NDC1: variants seen among roughly 807,000 people sequenced by gnomAD.
The protein encoded by NDC1 is nucleoporin NDC1.
In NDC1, 24 loss-of-function variants were observed where a neutral mutation model predicts 89.8. The ratio of observed to expected loss-of-function variants is 0.27; its 90% CI spans 0.19 to 0.38. NDC1 has a LOEUF of 0.38. Ranked by LOEUF, NDC1 falls within the 10% of genes least tolerant of loss-of-function variation. The pLI is 1.00. For missense variants in NDC1, 728 were observed against 797.6 expected (o/e 0.91, Z 1.05); for synonymous variants, 296 against 284.8 (o/e 1.04, Z -0.39).
At chr1:53,820,167 A>C (rs1462027183) in intron 5 of NDC1, among the ~76,000 whole-genome samples, 2 of 152,030 alleles carry the variant, frequency 1.3e-5, no homozygotes, top group Admixed American at 6.6e-5. Context: ...ACGCAGGAGA[A>C]TCACTTGAAC....
chr1:53,833,434 C>T (rs2100697473), intron 2 of NDC1, among the ~76,000 whole-genome samples: 1 of 152,224 alleles, frequency 6.6e-6, no homozygotes, highest in East Asian at 1.9e-4. Flanking sequence ...TCACACCCAG[C>T]CACGCATATG....
rs1323318209 is a variant in NDC1, at chr1:53,838,239, G to T, written c.23C>A (p.Pro8His). The change falls in exon 1 of 18, where the codon CCC becomes CAC. Residue 8 changes from proline to histidine, a missense_variant. Transcript: ENST00000371429. Reference sequence around the variant, plus strand: ...TATGTCCCGCGACCTGCCGGCGCAGGGCCGGCTCACGGCCGTGGCCATGGA... The same window carrying T: ...TATGTCCCGCGACCTGCCGGCGCAGTGCCGGCTCACGGCCGTGGCCATGGA... MATAVSR[P>H]CAGRSRDILW... 18 of 1,536,846 alleles carry T rather than the reference G, an allele frequency of 1.2e-5. No homozygotes were observed. Among genetic ancestry groups the T allele is most frequent in the Non-Finnish European group, 1.4e-5 (16 of 1,145,920 alleles).
chr1:53,819,063 C>T lies in NDC1; in HGVS notation c.611G>A (p.Arg204His), dbSNP rs202236360. The change falls in exon 6 of 18, where the codon CGT (arginine) becomes CAT (histidine). Residue 204 changes from arginine to histidine, a missense_variant. Coordinates refer to ENST00000371429, the MANE Select transcript of NDC1 (RefSeq NM_018087.5). Reference protein sequence around the residue: ...FPIIQQYKFLRFRRSLLLLVK... With the variant: ...FPIIQQYKFLHFRRSLLLLVK... Reference sequence around the variant, plus strand: ...TAATAAGAGCAGAGATCTCCTAAAACGCAAGAACTTGTATTGCTGTGGGGA... The same window carrying T: ...TAATAAGAGCAGAGATCTCCTAAAATGCAAGAACTTGTATTGCTGTGGGGA... The T allele has an allele frequency of 4.4e-5, 68 of 1,557,212 alleles. No homozygotes were observed. In the South Asian group the frequency reaches 4.4e-4, roughly 10 times the overall value.
At chr1:53,810,724 G>A (rs1178890367) in intron 6 of NDC1, among the ~76,000 whole-genome samples, 2 of 152,184 alleles carry the variant, frequency 1.3e-5, no homozygotes, top group Non-Finnish European at 2.9e-5. Context: ...GGGCAACATA[G>A]CAAGACCCCA....
chr1:53,820,834 C>T (rs1358480109), intron 5 of NDC1, among the ~76,000 whole-genome samples: 1 of 151,058 alleles, frequency 6.6e-6, no homozygotes, highest in East Asian at 2.0e-4. Context: ...CCTCAGCCTC[C>T]TGAGTAGCTA....
At chr1:53,778,638 T>A (rs1019846639) in intron 16 of NDC1, among the ~76,000 whole-genome samples, 2 of 151,608 alleles carry the variant, frequency 1.3e-5, no homozygotes, top group African/African-American at 4.8e-5. Context: ...AAACACTAAG[T>A]AAATAAAAGC....
At chr1:53,825,394 G>A (rs1648815849) in intron 5 of NDC1, among the ~76,000 whole-genome samples, 1 of 149,208 alleles carries the variant, frequency 6.7e-6, no homozygotes, top group Non-Finnish European at 1.5e-5. Context: ...GGCGGAGGTT[G>A]CAGTGAGCCG....
intron 6 of NDC1, among the ~76,000 whole-genome samples, chr1:53,816,966 GC>G (rs968503088): frequency 2.0e-5 from 3 of 152,066 alleles, no homozygotes; most frequent in Non-Finnish European, 2.9e-5. Context: ...TCCAAGAATG[GC>G]CATAATCAAA....
chr1:53,789,861 T>C (rs1390239502), intron 14 of NDC1, among the ~76,000 whole-genome samples: 3 of 151,924 alleles, frequency 2.0e-5, no homozygotes. Flanking sequence ...CCTAGCACTT[T>C]GGGAGGCCGA....
intron 2 of NDC1, among the ~76,000 whole-genome samples, chr1:53,834,791 T>G (rs1021963129): frequency 6.6e-6 from 1 of 152,164 alleles, no homozygotes; most frequent in Admixed American, 6.6e-5. Flanking sequence ...TTTAGTAATT[T>G]TACTTAGTCT....
At chr1:53,835,691 T>G (rs2100700305) in intron 1 of NDC1, 71 bp from the exon 2 acceptor site, 2 of 1,366,166 alleles carry the variant, frequency 1.5e-6, no homozygotes, top group Non-Finnish European at 2.0e-6. Flanking sequence ...ATCCTATCTT[T>G]TCATACAGGA....
At chr1:53,798,586 A>C (rs1647805643) in intron 11 of NDC1, among the ~76,000 whole-genome samples, 1 of 142,474 alleles carries the variant, frequency 7.0e-6, no homozygotes, top group African/African-American at 2.6e-5. Flanking sequence ...AAGGAGTCTC[A>C]CTCTGTCACC....
intron 10 of NDC1, among the ~76,000 whole-genome samples, chr1:53,803,200 C>G (rs1181148): frequency 0.25 from 38,576 of 151,830 alleles, 5,907 homozygotes; most frequent in African/African-American, 0.43. Context: ...CAAGTAGCTG[C>G]GACTACAGGC....
At chr1:53,838,139 C>T in intron 1 of NDC1, 66 bp downstream of exon 1, 2 of 1,461,374 alleles carry the variant, frequency 1.4e-6, no homozygotes, top group Non-Finnish European at 1.8e-6. Context: ...AGCGCGCACG[C>T]GCGATCAGAG....
In NDC1 at chr1:53,808,038, T is replaced by C. The variant is rs140239368; in HGVS notation, c.756-247A>G. Among the ~76,000 whole-genome samples, 57 of 152,332 alleles carry C rather than the reference T, an allele frequency of 3.7e-4. No homozygotes were observed. The highest frequency in any genetic ancestry group is 1.2e-3 in the Admixed American group (19 of 15,290). On this transcript the variant is annotated intron_variant, in intron 7 of 17. Transcript: ENST00000371429. ...CTGTGTTCAAAATCTTCACTGACTT[T>C]TACTACGAAGGAGGAATGAGCTAAG...
At chr1:53,820,701 CTTTTTTTTTTTTTT>C (rs927514677) in intron 5 of NDC1, among the ~76,000 whole-genome samples, 5 of 74,896 alleles carry the variant, frequency 6.7e-5, no homozygotes, top group East Asian at 3.9e-4. Flanking sequence ...ACTTCTCTCT[CTTTTTTTTTTTTTT>C]TTTTTTTTTT....
chr1:53,802,752 G>A (rs1216086553), intron 10 of NDC1, among the ~76,000 whole-genome samples: 1 of 152,128 alleles, frequency 6.6e-6, no homozygotes, highest in East Asian at 1.9e-4. Flanking sequence ...TTTCCCTCTA[G>A]GAACAACAGA....
At chr1:53,791,676 T>A (rs773430684) in intron 14 of NDC1, among the ~76,000 whole-genome samples, 2 of 152,184 alleles carry the variant, frequency 1.3e-5, no homozygotes, top group Non-Finnish European at 2.9e-5. Flanking sequence ...ATTTATCATA[T>A]AATAGACCCA....
intron 6 of NDC1, among the ~76,000 whole-genome samples, chr1:53,812,224 C>T (rs1194776428): frequency 6.6e-6 from 1 of 152,136 alleles, no homozygotes; most frequent in Admixed American, 6.5e-5. Flanking sequence ...AAAAAAATCA[C>T]ACTAGTTCAC....
Sources: allele counts gnomAD v4.1 joint callset (sites outside exome capture counted in the v4.1 genomes callset), GRCh38; gene constraint gnomAD v4.1.1; transcripts MANE v1.5; gene names NCBI Gene and HGNC (gene_info 2026-07-23, HGNC 2026-07-21).